The following YAP1 variants were observed in gnomAD, a reference collection of about 807,000 sequenced individuals.
YAP1 encodes the protein transcriptional coactivator YAP1.
A neutral mutation model predicts 56.9 loss-of-function variants in YAP1; 5 were observed. The observed-to-expected ratio is 0.09, with a 90% CI of 0.05 to 0.18. The LOEUF is 0.18. Among genes scored for constraint, YAP1 ranks in the 10% least tolerant of loss-of-function variants. The pLI is 1.00. For missense variants in YAP1, 539 were observed against 651.8 expected, an observed-to-expected ratio of 0.83 and a Z score of 1.88; for synonymous variants, 265 against 248.1, an observed-to-expected ratio of 1.07 and a Z score of -0.64.
chr11:102,128,365 A>T (rs1944164718), intron 2 of YAP1, among the ~76,000 whole-genome samples: 1 of 152,044 alleles, frequency 6.6e-6, no homozygotes, highest in South Asian at 2.1e-4. Context: ...GTCTCACGAG[A>T]TCTGATGGGT....
At chr11:102,142,262 A>G (rs1945065535) in intron 2 of YAP1, among the ~76,000 whole-genome samples, 1 of 152,222 alleles carries the variant, frequency 6.6e-6, no homozygotes, top group African/African-American at 2.4e-5. Flanking sequence ...GGGCTGAAAA[A>G]GAGAGGGCCA....
chr11:102,227,683 C>G, intron 8 of YAP1, 102 bp downstream of exon 8: 1 of 753,780 alleles, frequency 1.3e-6, no homozygotes, highest in Non-Finnish European at 2.2e-6. Context: ...AGAAGAAAAC[C>G]AATTAAAATC....
Position 102,230,198 on chromosome 11 carries a change from C to G in YAP1, c.*258C>G, listed in dbSNP as rs1416363529. 6.3e-6 allele frequency: 2 copies of G among 317,708 alleles called. No homozygotes were observed. The highest frequency in any genetic ancestry group is 5.8e-6 in the Non-Finnish European group (1 of 171,442). The allele number at this position is 317,708 out of a possible 1,614,324, so 19.7% of individuals were successfully genotyped here. A position where few individuals can be genotyped will look rare whatever the true frequency, so the allele number is the denominator to read the frequency against. ...TTCTTTTGCTATTAAAACTACTGTT[C>G]ATTTTGGGGGCTGGGGGAAGTGAGC... is the stretch of plus-strand genomic sequence containing the variant. On this transcript the variant is annotated 3_prime_UTR_variant, in exon 9 of 9. Coordinates refer to ENST00000282441, the MANE Select transcript of YAP1 (RefSeq NM_001130145.3).
At chr11:102,143,858 A>G (rs1945165818) in intron 2 of YAP1, among the ~76,000 whole-genome samples, 3 of 152,254 alleles carry the variant, frequency 2.0e-5, no homozygotes, top group Admixed American at 1.3e-4. Flanking sequence ...ATTGACAGTC[A>G]TTTGTCATAA....
Position 102,110,910 on chromosome 11 carries a change from C to T in YAP1, c.62C>T (p.Ser21Leu), listed in dbSNP as rs990765765. Residue 21 changes from serine (S) to leucine (L), a missense_variant, in exon 1 of 9, where the codon TCG becomes TTG. Transcript: ENST00000282441. ...CCCCAGGGCCAAGGGCAGCCGCCTT[C>T]GCAGCCCCCGCAGGGGCAGGGCCCG... is the stretch of plus-strand genomic sequence containing the variant. ...PAPQGQGQPP[S>L]QPPQGQGPPS... 1.2e-5 allele frequency: 17 copies of T among 1,433,078 alleles called. No homozygotes were observed. The highest frequency in any genetic ancestry group is 1.1e-5 in the Non-Finnish European group (12 of 1,093,736). The allele number at this position is 1,433,078 out of a possible 1,614,324, so 88.8% of individuals were successfully genotyped here. A position where few individuals can be genotyped will look rare whatever the true frequency, so the allele number is the denominator to read the frequency against.
At chr11:102,221,444 C>G (rs1949923703) in intron 6 of YAP1, among the ~76,000 whole-genome samples, 1 of 152,014 alleles carries the variant, frequency 6.6e-6, no homozygotes. Context: ...AGATCTAAGG[C>G]TGGGTGCAGT....
chr11:102,223,491 A>G (rs1950050052), intron 6 of YAP1, 131 bp from the exon 7 acceptor site: 6 of 949,950 alleles, frequency 6.3e-6, no homozygotes, highest in Admixed American at 3.0e-5. Context: ...TGATTGGGAA[A>G]TGTATTAACT....
At chr11:102,192,652 C>T (rs901459687) in intron 4 of YAP1, among the ~76,000 whole-genome samples, 2 of 152,222 alleles carry the variant, frequency 1.3e-5, no homozygotes, top group South Asian at 4.1e-4. Context: ...ACTGGATGCT[C>T]TTAAGAATAT....
At chr11:102,195,502 T>C (rs1232740523) in intron 4 of YAP1, among the ~76,000 whole-genome samples, 5 of 152,146 alleles carry the variant, frequency 3.3e-5, no homozygotes, top group South Asian at 4.1e-4. Context: ...AAATCTCATC[T>C]TGAATTGTAG....
chr11:102,166,140 A>G (rs976863307), intron 3 of YAP1, among the ~76,000 whole-genome samples: 3 of 152,236 alleles, frequency 2.0e-5, no homozygotes, highest in Non-Finnish European at 4.4e-5. Flanking sequence ...AACTTTCCAA[A>G]TTAGAGTGAA....
chr11:102,129,268 C>T (rs889776548), intron 2 of YAP1, among the ~76,000 whole-genome samples: 1 of 152,004 alleles, frequency 6.6e-6, no homozygotes, highest in African/African-American at 2.4e-5. Flanking sequence ...ATCATATGGT[C>T]AGGTAAGCAT....
chr11:102,189,347 AAAG>A (rs1403966755), intron 4 of YAP1, among the ~76,000 whole-genome samples: 1 of 152,202 alleles, frequency 6.6e-6, no homozygotes, highest in African/African-American at 2.4e-5. Context: ...CAGAATGAAA[AAAG>A]ATCTTTAAAA....
intron 3 of YAP1, 44 bp downstream of exon 3, chr11:102,162,615 G>C: frequency 2.5e-6 from 4 of 1,575,492 alleles, no homozygotes; most frequent in Non-Finnish European, 3.5e-6. Context: ...TAATGCTTAC[G>C]CATTGGTAAA....
Position 102,111,313 on chromosome 11 carries a change from A to C in YAP1, c.321+144A>C, listed in dbSNP as rs1942887615. The C allele has an allele frequency of 3.3e-6, 3 of 912,420 alleles. No homozygotes were observed. The East Asian group carries it at 8.4e-5, about 25-fold the overall frequency. The allele number at this position is 912,420 out of a possible 1,614,324, so 56.5% of individuals were successfully genotyped here. A position where few individuals can be genotyped will look rare whatever the true frequency, so the allele number is the denominator to read the frequency against. ...GGGTGGGGGTCCCGAGGCGAAGTGG[A>C]ACTGGAGTCGTCCACTCCGCCGCGG... On this transcript the variant is annotated intron_variant, in intron 1 of 8. Coordinates refer to ENST00000282441, the MANE Select transcript of YAP1 (RefSeq NM_001130145.3).
At chr11:102,154,649 G>T (rs1591254762) in intron 2 of YAP1, among the ~76,000 whole-genome samples, 1 of 152,120 alleles carries the variant, frequency 6.6e-6, no homozygotes, top group Non-Finnish European at 1.5e-5. Context: ...GAAATCCACA[G>T]ATCTGGTAAG....
At chr11:102,116,813 T>G (rs145848021) in intron 2 of YAP1, among the ~76,000 whole-genome samples, 53 of 152,280 alleles carry the variant, frequency 3.5e-4, no homozygotes, top group African/African-American at 9.6e-4. Context: ...TATAAAACTT[T>G]TAAGAACTAG....
At chr11:102,167,325 G>T (rs549004778) in intron 3 of YAP1, among the ~76,000 whole-genome samples, 48 of 152,236 alleles carry the variant, frequency 3.2e-4, no homozygotes, top group Middle Eastern at 3.4e-3. Context: ...AGAGGAAATG[G>T]AATAATGTAT....
chr11:102,110,848 C>A lies in YAP1; in HGVS notation c.-1C>A. ...GGTGCGCGTCGGGGGAGGCAGAAGC[C>A]ATGGATCCCGGGCAGCAGCCGCCGC... On this transcript the variant is annotated 5_prime_UTR_variant, in exon 1 of 9. Transcript: ENST00000282441. 4 of 1,407,154 alleles carry A rather than the reference C, an allele frequency of 2.8e-6. No individual in the cohort carries two copies. The highest frequency in any genetic ancestry group is 3.7e-6 in the Non-Finnish European group (4 of 1,080,246). The allele number at this position is 1,407,154 out of a possible 1,614,324, so 87.2% of individuals were successfully genotyped here. A position where few individuals can be genotyped will look rare whatever the true frequency, so the allele number is the denominator to read the frequency against.
intron 6 of YAP1, among the ~76,000 whole-genome samples, chr11:102,211,620 T>C (rs935108765): frequency 7.2e-5 from 11 of 152,200 alleles, no homozygotes; most frequent in African/African-American, 2.7e-4. Flanking sequence ...CAAGAAAGCA[T>C]GTGTATATTT....
Sources: gnomAD v4.1 joint callset for allele counts (sites outside exome capture counted in the v4.1 genomes callset) on GRCh38, gnomAD v4.1.1 for gene constraint, MANE v1.5 for transcripts, NCBI Gene and HGNC (gene_info 2026-07-23, HGNC 2026-07-21) for gene names.